Variants in PPIP5K2 observed in about 807,000 individuals in gnomAD.
The protein encoded by PPIP5K2 is diphosphoinositol pentakisphosphate kinase 2.
In PPIP5K2, 105 loss-of-function variants were observed where a neutral mutation model predicts 154.6. That is an observed-to-expected ratio of 0.68 (90% CI 0.58 to 0.80). PPIP5K2 has a LOEUF of 0.80. PPIP5K2 is among the 30% of genes least tolerant of loss of function. The pLI is 0.00. For missense variants in PPIP5K2, 992 were observed against 1,504.6 expected, an observed-to-expected ratio of 0.66 and a Z score of 5.64; for synonymous variants, 480 against 490.3, an observed-to-expected ratio of 0.98 and a Z score of 0.28.
chr5:103,201,552 C>G lies in PPIP5K2; in HGVS notation c.3650C>G (p.Pro1217Arg). 1 of 1,607,740 alleles carries G rather than the reference C, an allele frequency of 6.2e-7. No homozygotes were observed. The highest frequency in any genetic ancestry group is 8.5e-7 in the Non-Finnish European group (1 of 1,177,880). Reference protein sequence around the residue: ...ATSGPSSAVVPNTSSRKKNIT... With the variant: ...ATSGPSSAVVRNTSSRKKNIT... ...AGTGGACCTTCTAGTGCAGTTGTTC[C>G]TAATACCTCATCTCGGAAAAAGAAT... is the stretch of plus-strand genomic sequence containing the variant. The change falls in exon 31 of 31, where the codon CCT becomes CGT. Residue 1217 changes from proline (P) to arginine (R), a missense_variant. Transcript: ENST00000358359.
In PPIP5K2 at chr5:103,149,218, G is replaced by C. The variant is rs1554210423; in HGVS notation, c.811G>C (p.Val271Leu). The C allele has an allele frequency of 6.2e-7, 1 of 1,613,970 alleles. No homozygotes were observed. Among genetic ancestry groups the C allele is most frequent in the Admixed American group, 1.7e-5 (1 of 60,022 alleles). ...AAAATCTCCAGCACTTGATGGCAAG[G>C]TGGAACGAGACAGTGAAGGAAAAGA... The part of the protein sequence containing the change: ...ARKSPALDGK[V>L]ERDSEGKEVR... Residue 271 changes from valine (V) to leucine (L), a missense_variant, in exon 8 of 31, where the codon GTG becomes CTG. Coordinates refer to ENST00000358359, the MANE Select transcript of PPIP5K2 (RefSeq NM_001276277.3).
At position 103,210,701 on chromosome 5, in the gene PPIP5K2, C is replaced by CT. The variant is rs1403239456; in HGVS notation, c.*9068dup. On this transcript the variant is annotated 3_prime_UTR_variant, in exon 31 of 31. Coordinates refer to ENST00000358359, the MANE Select transcript of PPIP5K2 (RefSeq NM_001276277.3). ...TAGTACTGATTCCCATTATCATGCT[C>CT]TGTTGTTCCCTGGATGCTCTTTTGA... 2.0e-5 allele frequency: 3 copies of CT among 152,044 alleles called. No homozygotes were observed. The highest frequency in any genetic ancestry group is 7.2e-5 in the African/African-American group (3 of 41,408). 9.4% of individuals were successfully genotyped at this position (152,044 alleles called of 1,614,324 possible).
chr5:103,191,101 G>A, intron 29 of PPIP5K2, 119 bp downstream of exon 29: 1 of 915,328 alleles, frequency 1.1e-6, no homozygotes, highest in Admixed American at 2.7e-5. Context: ...GAGTACAAAG[G>A]GGAGTGTAAA....
At chr5:103,167,954 C>A in intron 18 of PPIP5K2, 118 bp from the exon 19 acceptor site, 1 of 634,990 alleles carries the variant, frequency 1.6e-6, no homozygotes, top group Non-Finnish European at 2.6e-6. Flanking sequence ...AAGTAACTCT[C>A]TAACTTCATA....
intron 17 of PPIP5K2, among the ~76,000 whole-genome samples, chr5:103,166,833 A>T (rs1458008707): frequency 6.6e-6 from 1 of 152,002 alleles, no homozygotes; most frequent in Non-Finnish European, 1.5e-5. Flanking sequence ...GGGGAAATAG[A>T]TCATCTTAGA....
intron 17 of PPIP5K2, among the ~76,000 whole-genome samples, chr5:103,163,850 GTTTGCTGAAA>G (rs1357552978): frequency 1.3e-5 from 2 of 151,656 alleles, no homozygotes; most frequent in East Asian, 3.9e-4. Flanking sequence ...ACTGATTTTA[GTTTGCTGAAA>G]TTTTGGTTAG....
intron 21 of PPIP5K2, among the ~76,000 whole-genome samples, chr5:103,177,140 A>G (rs1166170869): frequency 2.8e-5 from 4 of 144,872 alleles, no homozygotes; most frequent in African/African-American, 7.3e-5. Flanking sequence ...CTCAGAATTC[A>G]TTAGTGTTTG....
chr5:103,185,606 C>G (rs1236772780), intron 26 of PPIP5K2, among the ~76,000 whole-genome samples: 2 of 151,890 alleles, frequency 1.3e-5, no homozygotes, highest in Non-Finnish European at 2.9e-5. Context: ...TAATCCTTCC[C>G]CAGTGATGAA....
At chr5:103,148,152 G>T (rs781351247) in intron 7 of PPIP5K2, 120 bp downstream of exon 7, 8 of 757,804 alleles carry the variant, frequency 1.1e-5, no homozygotes, top group Non-Finnish European at 1.8e-5. Context: ...TTTTGATTAG[G>T]GATTCCTCAT....
At chr5:103,150,527 C>CT (rs1461210683) in intron 8 of PPIP5K2, among the ~76,000 whole-genome samples, 1 of 152,154 alleles carries the variant, frequency 6.6e-6, no homozygotes, top group Non-Finnish European at 1.5e-5. Context: ...AATCCCAGCA[C>CT]TTTGGGGGTG....
intron 2 of PPIP5K2, 26 bp downstream of exon 2, chr5:103,129,729 G>C (rs200899620): frequency 1.6e-5 from 25 of 1,582,658 alleles, no homozygotes; most frequent in Non-Finnish European, 2.0e-5. Context: ...TTCCTTTGGC[G>C]AGAGAAGACC....
At chr5:103,160,889 G>A (rs1031461499) in intron 17 of PPIP5K2, among the ~76,000 whole-genome samples, 2 of 150,986 alleles carry the variant, frequency 1.3e-5, no homozygotes, top group African/African-American at 4.9e-5. Flanking sequence ...TTGTGACCAT[G>A]GTATACTTAT....
chr5:103,126,745 G>T (rs1240997506), intron 1 of PPIP5K2, among the ~76,000 whole-genome samples: 18 of 137,426 alleles, frequency 1.3e-4, no homozygotes, highest in African/African-American at 2.7e-4. Flanking sequence ...GCCTTTTCAC[G>T]TTTTTTTTTT....
At chr5:103,139,068 C>G (rs1453587988) in intron 5 of PPIP5K2, among the ~76,000 whole-genome samples, 1 of 152,204 alleles carries the variant, frequency 6.6e-6, no homozygotes, top group Non-Finnish European at 1.5e-5. Context: ...CCGCGTATGA[C>G]AAGGGGCAAC....
At chr5:103,175,366 A>G (rs1287706557) in intron 21 of PPIP5K2, among the ~76,000 whole-genome samples, 1 of 152,122 alleles carries the variant, frequency 6.6e-6, no homozygotes, top group Non-Finnish European at 1.5e-5. Flanking sequence ...TGACATCCTT[A>G]CATAAGTATG....
chr5:103,178,066 T>TA (rs1250764974), intron 23 of PPIP5K2, 86 bp downstream of exon 23: 1 of 838,088 alleles, frequency 1.2e-6, no homozygotes, highest in Admixed American at 2.3e-5. Flanking sequence ...TAATGTACTA[T>TA]AAATAATTCT....
At chr5:103,169,377 A>T (rs782287127) in intron 19 of PPIP5K2, among the ~76,000 whole-genome samples, 5 of 151,438 alleles carry the variant, frequency 3.3e-5, no homozygotes, top group Non-Finnish European at 7.4e-5. Flanking sequence ...GATAAAGATT[A>T]TGAAAAAAAA....
rs781948090 is a variant in PPIP5K2 at position 103,168,147 on chromosome 5, C to T, written c.2138C>T (p.Thr713Ile). 6.2e-7 allele frequency: 1 copy of T among 1,609,948 alleles called. No individual in the cohort carries two copies. Among genetic ancestry groups the T allele is most frequent in the Non-Finnish European group, 8.5e-7 (1 of 1,177,160 alleles). Residue 713 changes from threonine (T) to isoleucine (I), a missense_variant, in exon 19 of 31, where the codon ACA becomes ATA. By Grantham distance (89) the Thr-to-Ile change is moderately conservative. Transcript: ENST00000358359. The part of the protein sequence containing the change: ...RWSKLEKDFK[T>I]KNGRYDISKI... ...TCCAAGTTAGAGAAAGACTTTAAAA[C>T]AAAGAATGGAAGATATGATATTAGT...
At chr5:103,137,767 TTAA>T (rs1791793635) in intron 4 of PPIP5K2, among the ~76,000 whole-genome samples, 1 of 152,148 alleles carries the variant, frequency 6.6e-6, no homozygotes, top group Non-Finnish European at 1.5e-5. Flanking sequence ...AGTAACATTA[TTAA>T]TATCTAAAAT....
Sources: gnomAD v4.1 joint callset for allele counts (sites outside exome capture counted in the v4.1 genomes callset) on GRCh38, gnomAD v4.1.1 for gene constraint, MANE v1.5 for transcripts, NCBI Gene and HGNC (gene_info 2026-07-23, HGNC 2026-07-21) for gene names.